KALRN: variants seen among roughly 807,000 people sequenced by gnomAD.
KALRN encodes the protein kalirin RhoGEF kinase, also known as kalirin.
KALRN carries 70 observed loss-of-function variants against 353.7 expected under a neutral mutation model. The ratio of observed to expected loss-of-function variants is 0.20; its 90% CI spans 0.16 to 0.24. KALRN has a LOEUF of 0.24. KALRN is among the 10% of genes least tolerant of loss of function. The pLI, the probability that KALRN is intolerant of heterozygous loss-of-function variation, is 1.00. For synonymous variants in KALRN, 1,391 were observed against 1,434.8 expected, an observed-to-expected ratio of 0.97 and a Z score of 0.69; for missense variants, 2,791 against 3,756.7, an observed-to-expected ratio of 0.74 and a Z score of 6.72.
At chr3:124,695,739 C>CT (rs550754671) in intron 53 of KALRN, among the ~76,000 whole-genome samples, 115 of 145,148 alleles carry the variant, frequency 7.9e-4, no homozygotes, top group South Asian at 3.3e-3. Flanking sequence ...TGAGTCTTTC[C>CT]TTTTTTTTTT....
At chr3:124,243,928 C>G (rs2080811002) in intron 3 of KALRN, among the ~76,000 whole-genome samples, 1 of 152,050 alleles carries the variant, frequency 6.6e-6, no homozygotes, top group South Asian at 2.1e-4. Context: ...TGTCACTTGT[C>G]CTTTATTGTC....
chr3:124,679,333 G>A lies in KALRN; in HGVS notation c.7318-125G>A, dbSNP rs78020606. ...TCTCACCCCCACTTTAAAAACACCT[G>A]GTTTTTTCTCTGCCCAAGATCCCAT... is the stretch of plus-strand genomic sequence containing the variant. On this transcript the variant is annotated intron_variant, in intron 50 of 59. Coordinates refer to ENST00000682506, the MANE Select transcript of KALRN (RefSeq NM_001388419.1). 3.8e-3 allele frequency: 2,966 copies of A among 777,768 alleles called. 63 individuals carry two copies. The African/African-American group carries it at 0.047, about 12-fold the overall frequency. 48.2% of individuals were successfully genotyped at this position (777,768 alleles called of 1,614,324 possible).
intron 1 of KALRN, among the ~76,000 whole-genome samples, chr3:124,063,328 C>T (rs951230931): frequency 4.6e-5 from 7 of 152,130 alleles, no homozygotes; most frequent in East Asian, 1.9e-4. Context: ...GGGAGGGTGA[C>T]GGGGTCTGTG....
At chr3:124,239,178 A>T (rs2080142697) in intron 3 of KALRN, among the ~76,000 whole-genome samples, 1 of 152,226 alleles carries the variant, frequency 6.6e-6, no homozygotes, top group Non-Finnish European at 1.5e-5. Flanking sequence ...TGATCAGCTG[A>T]TGAATGTCCC....
At chr3:124,529,781 A>T (rs2067886342) in intron 33 of KALRN, among the ~76,000 whole-genome samples, 1 of 151,844 alleles carries the variant, frequency 6.6e-6, no homozygotes, top group African/African-American at 2.4e-5. Context: ...AAGAATGGAA[A>T]ATGGGAAGAT....
chr3:124,198,896 G>C (rs1318180858), intron 1 of KALRN, among the ~76,000 whole-genome samples: 1 of 152,186 alleles, frequency 6.6e-6, no homozygotes, highest in Non-Finnish European at 1.5e-5. Flanking sequence ...CAGAGGCTGG[G>C]AATGGATCAT....
At chr3:124,675,291 C>T (rs1173886270) in intron 49 of KALRN, 1 of 152,082 alleles carries the variant, frequency 6.6e-6, no homozygotes, top group East Asian at 1.9e-4. Flanking sequence ...TTAAAGAAAC[C>T]CATATGGATG....
intron 3 of KALRN, among the ~76,000 whole-genome samples, chr3:124,261,302 T>C (rs933598509): frequency 3.3e-5 from 5 of 152,222 alleles, no homozygotes; most frequent in Admixed American, 1.3e-4. Context: ...GAGATAACCA[T>C]ACCTAGTTTA....
At chr3:124,638,696 T>C (rs2081650621) in intron 37 of KALRN, among the ~76,000 whole-genome samples, 1 of 152,168 alleles carries the variant, frequency 6.6e-6, no homozygotes, top group African/African-American at 2.4e-5. Flanking sequence ...TCACACCCAA[T>C]TGGTCTTCTG....
In KALRN at chr3:124,124,723, A is replaced by G. The variant is rs1051936442; in HGVS notation, c.73+90910A>G. ...TTCTGGCAGCCATCCACATTGAGGC[A>G]AGACCCTCCACCGGTAAAAAGATAA... On this transcript the variant is annotated intron_variant, in intron 1 of 59. Transcript: ENST00000682506. Among the ~76,000 whole-genome samples the G allele has an allele frequency of 3.3e-5, 5 of 152,260 alleles. No individual in the cohort carries two copies. The South Asian group carries it at 1.0e-3, about 31-fold the overall frequency.
chr3:124,558,051 A>C (rs553712206), intron 33 of KALRN, among the ~76,000 whole-genome samples: 14 of 152,158 alleles, frequency 9.2e-5, no homozygotes, highest in African/African-American at 2.9e-4. Context: ...GATTTGAGGG[A>C]GGTCTGAGTC....
At chr3:124,289,177 A>AT (rs1358737459) in intron 5 of KALRN, among the ~76,000 whole-genome samples, 1 of 152,018 alleles carries the variant, frequency 6.6e-6, no homozygotes, top group African/African-American at 2.4e-5. Flanking sequence ...TAATTCCATC[A>AT]TGGGGGGGGT....
intron 33 of KALRN, among the ~76,000 whole-genome samples, chr3:124,550,151 A>G (rs2070292587): frequency 6.6e-6 from 1 of 152,194 alleles, no homozygotes; most frequent in Non-Finnish European, 1.5e-5. Context: ...AAGACTTAAT[A>G]GCTTTGCAGG....
chr3:124,153,065 T>A (rs1446973833), intron 1 of KALRN: 6 of 169,442 alleles, frequency 3.5e-5, no homozygotes, highest in South Asian at 3.3e-4. Context: ...CTTCTTTTTT[T>A]AATTTTTTTT....
intron 1 of KALRN, among the ~76,000 whole-genome samples, chr3:124,198,106 C>T (rs1028577713): frequency 4.6e-5 from 7 of 152,082 alleles, no homozygotes; most frequent in East Asian, 1.9e-4. Flanking sequence ...GATTTCTGAT[C>T]GAGGAATTAA....
At chr3:124,496,287 GT>G in intron 32 of KALRN, 23 bp from the exon 33 acceptor site, 3 of 1,590,844 alleles carry the variant, frequency 1.9e-6, no homozygotes, top group South Asian at 1.1e-5. Context: ...CCCCACCCCT[GT>G]TTTTTTTCTC....
chr3:124,637,135 CTGTTT>C (rs1414299976), intron 36 of KALRN, 68 bp from the exon 37 acceptor site: 18 of 1,254,114 alleles, frequency 1.4e-5, no homozygotes, highest in African/African-American at 3.0e-5. Flanking sequence ...TTTGGACTTT[CTGTTT>C]TATTTCCTGA....
intron 12 of KALRN, among the ~76,000 whole-genome samples, chr3:124,396,180 G>A (rs1020793606): frequency 6.6e-5 from 10 of 152,142 alleles, no homozygotes; most frequent in African/African-American, 2.2e-4. Context: ...ACCTCTGCCA[G>A]CTCTGGACAG....
intron 10 of KALRN, chr3:124,374,572 C>G (rs920078955): frequency 6.6e-6 from 1 of 152,256 alleles, no homozygotes; most frequent in Non-Finnish European, 1.5e-5. Flanking sequence ...ACCTCACCAT[C>G]TGACCCACCT....
Sources: allele counts gnomAD v4.1 joint callset (sites outside exome capture counted in the v4.1 genomes callset), GRCh38; gene constraint gnomAD v4.1.1; transcripts MANE v1.5; gene names NCBI Gene and HGNC (gene_info 2026-07-23, HGNC 2026-07-21).